Variants in BARD1 observed in about 807,000 individuals in gnomAD.
BARD1 encodes the protein BRCA1-associated RING domain protein 1.
In BARD1, 73 loss-of-function variants were observed where a neutral mutation model predicts 77.0. The observed-to-expected ratio is 0.95, with a 90% CI of 0.79 to 1.15. The LOEUF (loss-of-function observed/expected upper bound fraction) is 1.15, where lower values mean the gene tolerates loss of function less well. Among genes scored for constraint, BARD1 ranks in the 50% most tolerant of loss-of-function variants. The pLI is 0.00. For missense variants in BARD1, 993 were observed against 938.8 expected, an observed-to-expected ratio of 1.06 and a Z score of -0.75; for synonymous variants, 384 against 338.0, an observed-to-expected ratio of 1.14 and a Z score of -1.49.
intron 3 of BARD1, among the ~76,000 whole-genome samples, chr2:214,783,095 A>G (rs1038506956): frequency 1.1e-4 from 16 of 152,054 alleles, no homozygotes; most frequent in African/African-American, 3.9e-4. Flanking sequence ...ATACCCACAC[A>G]CTCAATTCCT....
At chr2:214,750,348 A>G (rs184309343) in intron 7 of BARD1, among the ~76,000 whole-genome samples, 69 of 152,282 alleles carry the variant, frequency 4.5e-4, no homozygotes, top group Admixed American at 3.3e-4. Context: ...TATTAAGTCT[A>G]AACTCGTATC....
intron 7 of BARD1, among the ~76,000 whole-genome samples, chr2:214,746,362 A>ATTTT (rs1338815189): frequency 2.0e-5 from 3 of 152,192 alleles, no homozygotes; most frequent in African/African-American, 4.8e-5. Flanking sequence ...AACTAGGAAA[A>ATTTT]GATAAAAACA....
At chr2:214,745,262 AT>A (rs1693050073) in intron 8 of BARD1, 103 bp from the exon 9 acceptor site, 1 of 1,022,620 alleles carries the variant, frequency 9.8e-7, no homozygotes, top group East Asian at 2.6e-5. Context: ...TTATATCTGA[AT>A]CTTCAAAGGC....
intron 6 of BARD1, among the ~76,000 whole-genome samples, chr2:214,760,580 A>C (rs968701021): frequency 6.6e-6 from 1 of 152,154 alleles, no homozygotes; most frequent in African/African-American, 2.4e-5. Flanking sequence ...TCTCCCAGTG[A>C]CATCCGAGAC....
At chr2:214,769,464 G>T (rs895122354) in intron 4 of BARD1, 152 bp from the exon 5 acceptor site, 2 of 694,742 alleles carry the variant, frequency 2.9e-6, no homozygotes, top group Admixed American at 2.3e-5. Context: ...TTATTAGGCC[G>T]GGTGTGGTGG....
intron 1 of BARD1, 88 bp from the exon 2 acceptor site, chr2:214,797,205 C>A: frequency 2.0e-6 from 2 of 1,019,134 alleles, no homozygotes; most frequent in Non-Finnish European, 3.1e-6. Flanking sequence ...CCCAACACTA[C>A]CATATTTCTC....
intron 6 of BARD1, among the ~76,000 whole-genome samples, chr2:214,761,071 T>A (rs1311346210): frequency 4.8e-5 from 7 of 146,090 alleles, no homozygotes; most frequent in South Asian, 2.2e-4. Flanking sequence ...CTTGATGGGA[T>A]AAAAAAAAAA....
At position 214,792,507 on chromosome 2, in the gene BARD1, C is replaced by T. The variant is rs140327786; in HGVS notation, c.216-62G>A. ...ATTCAGCAGAATTTAATTCCAAAAA[C>T]TAAACAGTTTGAACAGAAATAAATG... On this transcript the variant is annotated intron_variant, in intron 2 of 10. Transcript: ENST00000260947. 26,235 of 1,442,164 alleles carry T rather than the reference C, an allele frequency of 0.018. 313 individuals are homozygous for T. The highest frequency in any genetic ancestry group is 0.022 in the Non-Finnish European group (23,953 of 1,085,798). The allele number at this position is 1,442,164 out of a possible 1,614,324, so 89.3% of individuals were successfully genotyped here.
At chr2:214,731,896 A>C (rs530157227) in intron 9 of BARD1, among the ~76,000 whole-genome samples, 1 of 152,358 alleles carries the variant, frequency 6.6e-6, no homozygotes, top group African/African-American at 2.4e-5. Context: ...AGTTTTTAAA[A>C]ATTCACTATG....
chr2:214,781,523 A>G lies in BARD1; in HGVS notation c.365-14T>C. 1 of 1,598,806 alleles carries G rather than the reference A, an allele frequency of 6.3e-7. No individual in the cohort carries two copies. Among genetic ancestry groups the G allele is most frequent in the Non-Finnish European group, 8.5e-7 (1 of 1,170,162 alleles). ...CTTCTTTCAAATCTGACAGAAAAAA[A>G]GAAAAAGAAATCTGTTACATGAAAT... is the stretch of plus-strand genomic sequence containing the variant. On this transcript the variant is annotated splice_polypyrimidine_tract_variant and intron_variant, in intron 3 of 10. Transcript: ENST00000260947.
rs776145858 is a variant in BARD1 at position 214,745,177 on chromosome 2, C to G, written c.1811-18G>C. 12 of 1,602,422 alleles carry G rather than the reference C, an allele frequency of 7.5e-6. No homozygotes were observed. Among genetic ancestry groups the G allele is most frequent in the Non-Finnish European group, 1.0e-5 (12 of 1,169,708 alleles). On this transcript the variant is annotated intron_variant, in intron 8 of 10. Coordinates refer to ENST00000260947, the MANE Select transcript of BARD1 (RefSeq NM_000465.4). Reference sequence around the variant, plus strand: ...ATGAGTTACTAAAATACAAAAAAAGCAGTAAGAGAAAGAAAGATACAAGCC... The same window carrying G: ...ATGAGTTACTAAAATACAAAAAAAGGAGTAAGAGAAAGAAAGATACAAGCC...
chr2:214,785,141 T>A (rs1184997504), intron 3 of BARD1, among the ~76,000 whole-genome samples: 1 of 151,806 alleles, frequency 6.6e-6, no homozygotes, highest in East Asian at 1.9e-4. Context: ...GAGAGTCACA[T>A]TTTTCTGTGA....
chr2:214,736,346 A>C (rs1699589058), intron 9 of BARD1, among the ~76,000 whole-genome samples: 1 of 152,124 alleles, frequency 6.6e-6, no homozygotes, highest in African/African-American at 2.4e-5. Flanking sequence ...ACTCAAATTC[A>C]CTATTTTATA....
chr2:214,779,803 C>G (rs1252501701), intron 4 of BARD1, among the ~76,000 whole-genome samples: 1 of 152,190 alleles, frequency 6.6e-6, no homozygotes, highest in Non-Finnish European at 1.5e-5. Flanking sequence ...TAATTTAGTA[C>G]TAAGGTCTAC....
rs746470339 is a variant in BARD1, at chr2:214,781,021, G to C, written c.853C>G (p.Gln285Glu). ...LTEVSLPLAE[Q>E]IESPDTKSRN... The stretch of plus-strand genomic sequence containing the variant: ...CTCTTAGTGTCTGGAGACTCTATTT[G>C]CTCAGCCAATGGTAAAGAGACTTCA... The change falls in exon 4 of 11, where the codon CAA (glutamine) becomes GAA (glutamate). Residue 285 changes from glutamine to glutamate, a missense_variant. By Grantham distance (29) the Gln-to-Glu change is conservative. Transcript: ENST00000260947. 2 of 1,612,556 alleles carry C rather than the reference G, an allele frequency of 1.2e-6. No homozygotes were observed. Among genetic ancestry groups the C allele is most frequent in the Non-Finnish European group, 1.7e-6 (2 of 1,179,342 alleles).
chr2:214,782,788 T>C (rs191080631), intron 3 of BARD1, among the ~76,000 whole-genome samples: 2 of 152,244 alleles, frequency 1.3e-5, no homozygotes, highest in Non-Finnish European at 2.9e-5. Flanking sequence ...AAAAGGGATA[T>C]AATGTTTTAT....
At position 214,729,030 on chromosome 2, in the gene BARD1, T is replaced by C. The variant is rs529213347; in HGVS notation, c.2002-22A>G. ...GCAACTGAAATAATGAGAAAACATTTGTTAAAGGCAGATCAAAATACTGTA... is the reference window on the plus strand; with the variant it reads ...GCAACTGAAATAATGAGAAAACATTCGTTAAAGGCAGATCAAAATACTGTA... On this transcript the variant is annotated intron_variant, in intron 10 of 10. Coordinates refer to ENST00000260947, the MANE Select transcript of BARD1 (RefSeq NM_000465.4). 2.5e-6 allele frequency: 4 copies of C among 1,609,528 alleles called. No individual in the cohort carries two copies. In the African/African-American group the frequency reaches 4.0e-5, roughly 16 times the overall value.
At chr2:214,780,500 A>T in intron 4 of BARD1, 60 bp downstream of exon 4, 1 of 1,470,954 alleles carries the variant, frequency 6.8e-7, no homozygotes, top group Non-Finnish European at 9.5e-7. Context: ...CAAAAACTGC[A>T]AAGAAATTGC....
chr2:214,805,128 T>C (rs1696210326), intron 1 of BARD1, among the ~76,000 whole-genome samples: 1 of 152,116 alleles, frequency 6.6e-6, no homozygotes, highest in Non-Finnish European at 1.5e-5. Context: ...ACCACCGCAC[T>C]CCAGCCTGGG....
Sources: gnomAD v4.1 joint callset for allele counts (sites outside exome capture counted in the v4.1 genomes callset) on GRCh38, gnomAD v4.1.1 for gene constraint, MANE v1.5 for transcripts, NCBI Gene and HGNC (gene_info 2026-07-23, HGNC 2026-07-21) for gene names.